ZNF114: variants seen among roughly 807,000 people sequenced by gnomAD.
ZNF114 encodes the protein zinc finger protein 114 (Y18).
In ZNF114, 8 loss-of-function variants were observed where a neutral mutation model predicts 6.8. The observed-to-expected ratio is 1.18, with a 90% CI of 0.69 to 2.13. ZNF114 has a LOEUF of 2.13. Ranked by LOEUF, ZNF114 falls within the 30% of genes most tolerant of loss-of-function variation. The pLI is 0.00. For synonymous variants in ZNF114, 169 were observed against 185.5 expected (o/e 0.91, Z 0.72); for missense variants, 472 against 519.5 (o/e 0.91, Z 0.89).
intron 5 of ZNF114, among the ~76,000 whole-genome samples, chr19:48,282,757 G>A (rs1568993993): frequency 1.3e-5 from 2 of 151,554 alleles, no homozygotes; most frequent in Admixed American, 6.6e-5. Context: ...CTATCTCCCA[G>A]GCTGGAGTGC....
chr19:48,278,287 A>G (rs1490966585), intron 3 of ZNF114, among the ~76,000 whole-genome samples: 1 of 152,122 alleles, frequency 6.6e-6, no homozygotes, highest in African/African-American at 2.4e-5. Flanking sequence ...ATATTCACAG[A>G]CGTGTACGTC....
Position 48,286,743 on chromosome 19 carries a change from C to G in ZNF114, c.1119C>G (p.Ser373=). ...AATGTGGGAAAGTCATTCGGGAGTC[C>G]TCAAAATATACACATATAAGGAGCC... ...CEECGKVIRE[S]SKYTHIRSHT... is the part of the protein sequence containing the mutation. Residue 373 remains serine (S), a synonymous_variant, in exon 6 of 6, where the codon TCC becomes TCG. Coordinates refer to ENST00000595607, the MANE Select transcript of ZNF114 (RefSeq NM_153608.4). 1 of 1,613,474 alleles carries G rather than the reference C, an allele frequency of 6.2e-7. No individual in the cohort carries two copies. The highest frequency in any genetic ancestry group is 8.5e-7 in the Non-Finnish European group (1 of 1,179,888).
At chr19:48,277,794 G>GGGTGTGT (rs1330052475) in intron 3 of ZNF114, among the ~76,000 whole-genome samples, 10 of 119,338 alleles carry the variant, frequency 8.4e-5, no homozygotes, top group African/African-American at 3.0e-4. Context: ...GGAGGCATTG[G>GGGTGTGT]GTGTGTGTGT....
chr19:48,279,385 A>G (rs1967928198), intron 3 of ZNF114, among the ~76,000 whole-genome samples: 1 of 139,720 alleles, frequency 7.2e-6, no homozygotes, highest in South Asian at 2.4e-4. Flanking sequence ...GCAACAGGAC[A>G]AGTCTCTGTC....
rs1390978501 is a variant in ZNF114, at chr19:48,274,502, ATATATTT to A, written c.-70+2676_-70+2682del. On this transcript the variant is annotated intron_variant, in intron 3 of 5. Transcript: ENST00000595607. Reference sequence around the variant, plus strand: ...AACTTTTATATATATATATATATATATATATTTTTTTTTTTTTTTTTGAGACAGAGTT... The same window carrying A: ...AACTTTTATATATATATATATATATATTTTTTTTTTTTTTGAGACAGAGTT... Among the ~76,000 whole-genome samples the A allele has an allele frequency of 6.2e-4, 11 of 17,818 alleles. No homozygotes were observed. In the South Asian group the frequency reaches 7.3e-3, roughly 12 times the overall value. The allele number at this position is 17,818 out of a possible 152,430, so 11.7% of individuals were successfully genotyped here.
chr19:48,274,299 T>A (rs570486563), intron 3 of ZNF114, among the ~76,000 whole-genome samples: 3 of 151,610 alleles, frequency 2.0e-5, no homozygotes, highest in East Asian at 3.9e-4. Context: ...GAACTTGCCA[T>A]CAAGTTTCTT....
At chr19:48,275,380 A>G (rs539742639) in intron 3 of ZNF114, among the ~76,000 whole-genome samples, 18 of 149,634 alleles carry the variant, frequency 1.2e-4, no homozygotes, top group African/African-American at 4.4e-4. Flanking sequence ...GGAGTTCAAG[A>G]CCAGCCTGGC....
intron 3 of ZNF114, among the ~76,000 whole-genome samples, 153 bp from the exon 4 acceptor site, chr19:48,279,570 TGTGGGTGG>T (rs1358193633): frequency 5.8e-5 from 1 of 17,240 alleles, no homozygotes; most frequent in African/African-American, 2.6e-4. Flanking sequence ...TGTGTGGGTG[TGTGGGTGG>T]GTGGGTGTAG....
chr19:48,278,980 A>AATTAGATTAGCG (rs997867742), intron 3 of ZNF114, among the ~76,000 whole-genome samples: 17 of 151,700 alleles, frequency 1.1e-4, no homozygotes, highest in African/African-American at 4.1e-4. Flanking sequence ...GGCTGCCAGC[A>AATTAGATTAGCG]GCTGGGTGAA....
chr19:48,280,945 TA>T (rs1230881428), intron 4 of ZNF114, among the ~76,000 whole-genome samples: 1 of 152,134 alleles, frequency 6.6e-6, no homozygotes, highest in Non-Finnish European at 1.5e-5. Context: ...GGTCAACTGG[TA>T]GAGATTGAAG....
Position 48,286,271 on chromosome 19 carries a change from C to CG in ZNF114, c.652dup (p.Ala218GlyfsTer15). 1.2e-6 allele frequency: 2 copies of CG among 1,614,122 alleles called. No individual in the cohort carries two copies. Among genetic ancestry groups the CG allele is most frequent in the South Asian group, 1.1e-5 (1 of 91,076 alleles). ...CATCATATACGTGATGAAATTGATACGGGGGCCAACAGGCACCAGCGGAAT... is the reference window on the plus strand; with the variant it reads ...CATCATATACGTGATGAAATTGATACGGGGGGCCAACAGGCACCAGCGGAAT... On this transcript the variant is annotated frameshift_variant, in exon 6 of 6. Coordinates refer to ENST00000595607, the MANE Select transcript of ZNF114 (RefSeq NM_153608.4). LOFTEE classifies it low-confidence loss of function (END_TRUNC).
chr19:48,275,722 C>T (rs146584607), intron 3 of ZNF114, among the ~76,000 whole-genome samples: 2,362 of 151,894 alleles, frequency 0.016, 56 homozygotes, highest in African/African-American at 0.053. Context: ...TTGCCGGGCG[C>T]GGTGGCTCAC....
rs1413424147 is a variant in ZNF114, at chr19:48,286,212, A to G, written c.588A>G (p.Lys196=). The G allele has an allele frequency of 2.5e-6, 4 of 1,614,108 alleles. No individual in the cohort carries two copies. The highest frequency in any genetic ancestry group is 3.4e-6 in the Non-Finnish European group (4 of 1,180,048). ...CGTGTGGGAGAAAAACAGAGCTGAAATCAAGCACATGGACTGGCAGTCAGA... is the reference window on the plus strand; with the variant it reads ...CGTGTGGGAGAAAAACAGAGCTGAAGTCAAGCACATGGACTGGCAGTCAGA... ...WVPCGRKTEL[K]SSTWTGSQNT... Residue 196 remains lysine, a synonymous_variant, in exon 6 of 6, where the codon AAA becomes AAG. Coordinates refer to ENST00000595607, the MANE Select transcript of ZNF114 (RefSeq NM_153608.4).
chr19:48,278,170 A>C (rs2147287939), intron 3 of ZNF114, among the ~76,000 whole-genome samples: 1 of 152,284 alleles, frequency 6.6e-6, no homozygotes, highest in East Asian at 1.9e-4. Context: ...TCCTGACCTC[A>C]AGTGATCCAC....
chr19:48,282,201 A>T, intron 4 of ZNF114, 170 bp from the exon 5 acceptor site: 1 of 906,606 alleles, frequency 1.1e-6, no homozygotes, highest in Non-Finnish European at 1.6e-6. Flanking sequence ...CCCGGCCACA[A>T]CCTCATCTTA....
chr19:48,275,914 A>G (rs10415342), intron 3 of ZNF114, among the ~76,000 whole-genome samples: 106,808 of 147,280 alleles, frequency 0.73, 39,052 homozygotes, highest in Middle Eastern at 0.79. Context: ...CCCGGGAGGC[A>G]GAGCTTGCAG....
chr19:48,285,252 C>A lies in ZNF114; in HGVS notation c.137-509C>A, dbSNP rs543659680. Among the ~76,000 whole-genome samples, 4 of 152,286 alleles carry A rather than the reference C, an allele frequency of 2.6e-5. No homozygotes were observed. The East Asian group carries it at 7.8e-4, about 30-fold the overall frequency. On this transcript the variant is annotated intron_variant, in intron 5 of 5. Transcript: ENST00000595607. ...TTGGCTCATGCCTGTAATCCCAGCA[C>A]TTTGGGAGGCTGAGGCAGGTGGATC...
chr19:48,282,275 T>A, intron 4 of ZNF114, 96 bp from the exon 5 acceptor site: 3 of 1,542,240 alleles, frequency 1.9e-6, no homozygotes, highest in Non-Finnish European at 2.6e-6. Flanking sequence ...TACCAAGGGT[T>A]AAGACCTCAA....
At chr19:48,272,115 A>G (rs940265973) in intron 3 of ZNF114, among the ~76,000 whole-genome samples, 1 of 152,132 alleles carries the variant, frequency 6.6e-6, no homozygotes, top group Admixed American at 6.5e-5. Flanking sequence ...TGCATCCATG[A>G]AAGTATTGGA....
Sources: allele counts gnomAD v4.1 joint callset (sites outside exome capture counted in the v4.1 genomes callset), GRCh38; gene constraint gnomAD v4.1.1; transcripts MANE v1.5; gene names NCBI Gene and HGNC (gene_info 2026-07-23, HGNC 2026-07-21).